The following GRK1 variants were observed in gnomAD, a reference collection of about 807,000 sequenced individuals.
GRK1 encodes G protein-coupled receptor kinase 1.
A neutral mutation model predicts 41.7 loss-of-function variants in GRK1; 28 were observed. That is an observed-to-expected ratio of 0.67 (90% CI 0.50 to 0.92). GRK1 has a LOEUF of 0.92. Ranked by LOEUF, GRK1 falls within the 40% of genes least tolerant of loss-of-function variation. The pLI, the probability that GRK1 is intolerant of heterozygous loss-of-function variation, is 0.00. For missense variants in GRK1, 703 were observed against 671.2 expected, an observed-to-expected ratio of 1.05 and a Z score of -0.52; for synonymous variants, 327 against 286.7, an observed-to-expected ratio of 1.14 and a Z score of -1.42.
upstream of GRK1, among the ~76,000 whole-genome samples, chr13:113,665,955 G>A (rs150382592): frequency 5.3e-3 from 703 of 131,898 alleles, 8 homozygotes; most frequent in Non-Finnish European, 8.1e-3. Context: ...GTGCATCCCA[G>A]GTGTGTCCCA....
the GRK1 span, among the ~76,000 whole-genome samples, chr13:113,654,401 C>T: frequency 6.6e-6 from 1 of 152,270 alleles, no homozygotes; most frequent in African/African-American, 2.4e-5. Context: ...CTGCTGGTCT[C>T]CCGGGTGTGC....
rs1325184357 is a variant in GRK1, at chr13:113,667,397, G to T, written c.11G>T (p.Gly4Val). MDFGSLETVVANSA... is the reference protein window; with the variant it reads MDFVSLETVVANSA... The stretch of plus-strand genomic sequence containing the variant: ...GCAGGAAGCTCCGGGATGGATTTCG[G>T]GTCTTTGGAGACCGTGGTGGCCAAC... Residue 4 changes from glycine to valine, a missense_variant, in exon 1 of 7, where the codon GGG becomes GTG. Gly to Val is a moderately radical substitution (Grantham distance 109). Transcript: ENST00000335678. This position sits in a 1 kb window ranked among gnomAD's most constrained non-coding sequence, Gnocchi z 7.5. 1 of 1,576,914 alleles carries T rather than the reference G, an allele frequency of 6.3e-7. No homozygotes were observed. The highest frequency in any genetic ancestry group is 8.6e-7 in the Non-Finnish European group (1 of 1,161,308).
the GRK1 span, among the ~76,000 whole-genome samples, chr13:113,654,280 A>G: frequency 6.6e-6 from 1 of 152,196 alleles, no homozygotes; most frequent in African/African-American, 2.4e-5. Flanking sequence ...GAGGTTCTGC[A>G]CTTGCTCTGC....
At chr13:113,653,056 G>A in the GRK1 span, 1 of 1,610,802 alleles carries the variant, frequency 6.2e-7, no homozygotes, top group Non-Finnish European at 8.5e-7. Flanking sequence ...TGTCCTCCTG[G>A]GCTGCTGGAG....
rs766635057 is a variant in GRK1 at position 113,735,138 on chromosome 13, C to T, written c.1467C>T (p.Ala489=). ...VYAKDIQDVG[A]FSTVKGVAFD... Reference sequence around the variant, plus strand: ...CAAAGGATATTCAGGACGTGGGTGCCTTTTCCACCGTCAAAGGTGTGGCCT... The same window carrying T: ...CAAAGGATATTCAGGACGTGGGTGCTTTTTCCACCGTCAAAGGTGTGGCCT... Residue 489 remains alanine, a synonymous_variant, in exon 7 of 7, where the codon GCC becomes GCT. Transcript: ENST00000335678. 4.6e-6 allele frequency: 7 copies of T among 1,537,028 alleles called. No homozygotes were observed. The highest frequency in any genetic ancestry group is 3.6e-5 in the South Asian group (3 of 84,068).
At chr13:113,658,987 G>A in the GRK1 span, among the ~76,000 whole-genome samples, 1 of 152,182 alleles carries the variant, frequency 6.6e-6, no homozygotes, top group African/African-American at 2.4e-5. Flanking sequence ...CAGGGTCCAG[G>A]TGGGGGATGC....
the GRK1 span, chr13:113,649,473 G>T: frequency 6.4e-7 from 1 of 1,560,248 alleles, no homozygotes; most frequent in East Asian, 2.4e-5. This position sits in a 1 kb window ranked among gnomAD's most constrained non-coding sequence, Gnocchi z 4.7. Flanking sequence ...ACACGATGGC[G>T]ACCTCAGCGT....
At chr13:113,732,766 C>A in intron 5 of GRK1, 118 bp from the exon 6 acceptor site, 1 of 1,090,584 alleles carries the variant, frequency 9.2e-7, no homozygotes, top group Non-Finnish European at 1.3e-6. Context: ...GGCACAAGGC[C>A]TCATGGGTCC....
At chr13:113,727,941 G>A (rs1248864690) in intron 4 of GRK1, among the ~76,000 whole-genome samples, 4 of 87,950 alleles carry the variant, frequency 4.5e-5, no homozygotes, top group Non-Finnish European at 6.6e-5. Flanking sequence ...TACCCATGGC[G>A]ATGAGGAGTA....
At position 113,731,313 on chromosome 13, in the gene GRK1, C is replaced by T. The variant is rs2049935816; in HGVS notation, c.1164C>T (p.Ala388=). ...LGVTLYEMIA[A]RGPFRARGEK... ...TCACCCTGTATGAGATGATTGCGGC[C>T]AGAGGACCCTTCCGAGCCCGTGGAG... Residue 388 remains alanine (A), a synonymous_variant, in exon 5 of 7, where the codon GCC becomes GCT. Transcript: ENST00000335678. This position sits in a 1 kb window ranked among gnomAD's most constrained non-coding sequence, Gnocchi z 5.6. 3.3e-6 allele frequency: 5 copies of T among 1,537,028 alleles called. No homozygotes were observed. Among genetic ancestry groups the T allele is most frequent in the Non-Finnish European group, 4.4e-6 (5 of 1,146,852 alleles).
At chr13:113,669,151 T>C (rs150222997) in intron 1 of GRK1, among the ~76,000 whole-genome samples, 2 of 152,348 alleles carry the variant, frequency 1.3e-5, no homozygotes, top group East Asian at 1.9e-4. Context: ...CACCTCCCCA[T>C]GTAAGTGCAG....
chr13:113,656,311 G>C, the GRK1 span, among the ~76,000 whole-genome samples: 1 of 152,332 alleles, frequency 6.6e-6, no homozygotes, highest in South Asian at 2.1e-4. Context: ...TTCCCCCGCT[G>C]TGGGTCCTGT....
Position 113,671,354 on chromosome 13 carries a change from C to T in GRK1, c.828-145C>T. On this transcript the variant is annotated intron_variant, in intron 2 of 6. Transcript: ENST00000335678. The surrounding 1 kb of genome is among the most constrained non-coding windows in gnomAD (Gnocchi z 4.1). ...GCCAGCCACCATGGCCTTCGGGTGTCCTCTGCAGGGACGTAGGGGGGCCAG... is the reference window on the plus strand; with the variant it reads ...GCCAGCCACCATGGCCTTCGGGTGTTCTCTGCAGGGACGTAGGGGGGCCAG... The T allele has an allele frequency of 1.5e-6, 1 of 661,462 alleles. No homozygotes were observed. The highest frequency in any genetic ancestry group is 2.7e-6 in the Non-Finnish European group (1 of 364,430). The allele number at this position is 661,462 out of a possible 1,614,324, so 41.0% of individuals were successfully genotyped here. A position where few individuals can be genotyped will look rare whatever the true frequency, so the allele number is the denominator to read the frequency against.
chr13:113,733,666 T>TGC (rs766856034), intron 6 of GRK1, among the ~76,000 whole-genome samples: 1,155 of 92,980 alleles, frequency 0.012, 46 homozygotes, highest in African/African-American at 0.055. Flanking sequence ...TGTGTGCGTG[T>TGC]GTGCACGTGT....
chr13:113,733,713 GCA>G (rs1303089269), intron 6 of GRK1, among the ~76,000 whole-genome samples: 18 of 140,058 alleles, frequency 1.3e-4, no homozygotes, highest in Admixed American at 2.8e-4. Flanking sequence ...GCGTGTGTGC[GCA>G]CGTGTGTGTG....
At chr13:113,666,852 GA>G (rs2049822014), upstream of GRK1, among the ~76,000 whole-genome samples, 1 of 152,178 alleles carries the variant, frequency 6.6e-6, no homozygotes, top group Admixed American at 6.5e-5. Flanking sequence ...TAAAAATAGG[GA>G]AAAACAGCCT....
Position 113,731,239 on chromosome 13 carries a change from C to T in GRK1, c.1090C>T (p.Leu364=). The change falls in exon 5 of 7, where the codon CTG becomes TTG. Residue 364 remains leucine, a synonymous_variant. Coordinates refer to ENST00000335678, the MANE Select transcript of GRK1 (RefSeq NM_002929.3). This position sits in a 1 kb window ranked among gnomAD's most constrained non-coding sequence, Gnocchi z 5.6. ...GGCAGGTTTCATGGCCCCCGAGCTCCTGCAGGGCGAGGAGTACGACTTCTC... is the reference window on the plus strand; with the variant it reads ...GGCAGGTTTCATGGCCCCCGAGCTCTTGCAGGGCGAGGAGTACGACTTCTC... ...GTPGFMAPEL[L]QGEEYDFSVD... 6.5e-7 allele frequency: 1 copy of T among 1,537,102 alleles called. No homozygotes were observed. Among genetic ancestry groups the T allele is most frequent in the Non-Finnish European group, 8.7e-7 (1 of 1,146,834 alleles).
chr13:113,725,265 G>GC (rs2049884148), intron 4 of GRK1, among the ~76,000 whole-genome samples: 1 of 151,560 alleles, frequency 6.6e-6, no homozygotes, highest in Admixed American at 6.6e-5. Flanking sequence ...CGGACCCAGG[G>GC]GCGTGCACAG....
chr13:113,729,921 T>C (rs2049922095), intron 4 of GRK1, among the ~76,000 whole-genome samples: 1 of 122,942 alleles, frequency 8.1e-6, no homozygotes, highest in Non-Finnish European at 1.7e-5. Flanking sequence ...CCCAGACCCA[T>C]CCCTCCATCC....
Sources: allele counts gnomAD v4.1 joint callset (sites outside exome capture counted in the v4.1 genomes callset), GRCh38; gene constraint gnomAD v4.1.1; non-coding constraint Gnocchi (gnomAD v3.1); transcripts MANE v1.5; gene names NCBI Gene and HGNC (gene_info 2026-07-23, HGNC 2026-07-21).